The following CIMAP1D variants were observed in gnomAD, a reference collection of about 807,000 sequenced individuals.
CIMAP1D encodes CIMAP1 family member D, also known as protein CIMAP1D.
At chr19:470,394 G>C in the CIMAP1D span, among the ~76,000 whole-genome samples, 2 of 150,414 alleles carry the variant, frequency 1.3e-5, no homozygotes, top group Admixed American at 1.3e-4. Context: ...TTTATTTTTA[G>C]TAGAGACGGA....
chr19:474,704 G>A, the CIMAP1D span: 18 of 1,560,094 alleles, frequency 1.2e-5, no homozygotes, highest in South Asian at 1.7e-4. Context: ...GCCAAGGGGG[G>A]CTGTGGCCAG....
the CIMAP1D span, among the ~76,000 whole-genome samples, chr19:465,107 G>A: frequency 1.2e-4 from 12 of 101,794 alleles, 1 homozygote; most frequent in African/African-American, 4.1e-4. Flanking sequence ...GGGTGAGTGG[G>A]TGGATGGATG....
the CIMAP1D span, among the ~76,000 whole-genome samples, chr19:481,770 C>CTTTT: frequency 5.6e-5 from 6 of 106,774 alleles, no homozygotes; most frequent in East Asian, 5.1e-4. Context: ...GAACCTCCTA[C>CTTTT]TTTTTTTTTT....
At chr19:473,248 A>G in the CIMAP1D span, among the ~76,000 whole-genome samples, 1 of 22,752 alleles carries the variant, frequency 4.4e-5, no homozygotes. Context: ...AGATGGGGAG[A>G]CTGAGGCCTG....
the CIMAP1D span, among the ~76,000 whole-genome samples, chr19:486,077 C>T: frequency 6.6e-6 from 1 of 152,250 alleles, no homozygotes; most frequent in East Asian, 1.9e-4. Flanking sequence ...AGCCTGCTGT[C>T]CCCGTGGGAC....
chr19:488,563 C>G, the CIMAP1D span, among the ~76,000 whole-genome samples: 3 of 152,264 alleles, frequency 2.0e-5, no homozygotes, highest in South Asian at 6.2e-4. Context: ...AACGAGCGCC[C>G]TCGTCCCTCG....
chr19:480,560 G>GAA, the CIMAP1D span, among the ~76,000 whole-genome samples: 1 of 99,728 alleles, frequency 1.0e-5, no homozygotes, highest in Non-Finnish European at 2.2e-5. Context: ...GATGGAGAAC[G>GAA]ATGATGGAGA....
the CIMAP1D span, among the ~76,000 whole-genome samples, chr19:485,135 CGGA>C: frequency 0.064 from 9,707 of 151,972 alleles, 328 homozygotes; most frequent in Non-Finnish European, 0.074. Context: ...CTCAACCCAG[CGGA>C]GGACCCTGCT....
At chr19:485,523 G>A in the CIMAP1D span, among the ~76,000 whole-genome samples, 1 of 152,218 alleles carries the variant, frequency 6.6e-6, no homozygotes. Flanking sequence ...ATCCAGGCTG[G>A]CGCGATCACA....
chr19:478,040 C>A, the CIMAP1D span, among the ~76,000 whole-genome samples: 2 of 152,248 alleles, frequency 1.3e-5, no homozygotes, highest in Admixed American at 1.3e-4. Flanking sequence ...CGAGGGCCCC[C>A]AGCCCACAGG....
At chr19:490,603 C>A in the CIMAP1D span, among the ~76,000 whole-genome samples, 1 of 152,234 alleles carries the variant, frequency 6.6e-6, no homozygotes, top group African/African-American at 2.4e-5. Context: ...AGTGGCTTCA[C>A]AAACCCTAGC....
the CIMAP1D span, among the ~76,000 whole-genome samples, chr19:478,917 A>G: frequency 6.6e-6 from 1 of 152,236 alleles, no homozygotes; most frequent in East Asian, 1.9e-4. Flanking sequence ...GTGCTGGGAA[A>G]ACGGGAGAGG....
At chr19:463,452 G>C in the CIMAP1D span, 1 of 276,640 alleles carries the variant, frequency 3.6e-6, no homozygotes, top group Non-Finnish European at 6.8e-6. Context: ...CTGAGTTTGG[G>C]CTGGGACCGG....
chr19:465,640 G>A, the CIMAP1D span, among the ~76,000 whole-genome samples: 2 of 148,526 alleles, frequency 1.3e-5, no homozygotes, highest in Non-Finnish European at 3.0e-5. Flanking sequence ...TGGATGGATG[G>A]GTGGGTGGAG....
chr19:479,411 T>TGGGGG, the CIMAP1D span, among the ~76,000 whole-genome samples: 13 of 33,282 alleles, frequency 3.9e-4, no homozygotes, highest in East Asian at 9.7e-4. Context: ...TTTTTTTTTT[T>TGGGGG]GGGGGGGGGG....
At chr19:482,793 C>G in the CIMAP1D span, among the ~76,000 whole-genome samples, 1 of 152,172 alleles carries the variant, frequency 6.6e-6, no homozygotes, top group Non-Finnish European at 1.5e-5. Flanking sequence ...TCCTGCCCAC[C>G]TACACCTGCC....
the CIMAP1D span, among the ~76,000 whole-genome samples, chr19:482,828 C>T: frequency 1.3e-5 from 2 of 152,276 alleles, no homozygotes; most frequent in African/African-American, 2.4e-5. Flanking sequence ...CCACCCTGGC[C>T]GCCATCATAC....
chr19:481,385 TGGGAAGGATGATG>T, the CIMAP1D span, among the ~76,000 whole-genome samples: 240 of 93,144 alleles, frequency 2.6e-3, 3 homozygotes, highest in East Asian at 9.5e-3. Context: ...AGAAGGAATG[TGGGAAGGATGATG>T]GGGAAGGATG....
the CIMAP1D span, among the ~76,000 whole-genome samples, chr19:489,014 G>C: frequency 1.3e-5 from 2 of 152,062 alleles, no homozygotes; most frequent in African/African-American, 2.4e-5. Context: ...CCGCGGGCTA[G>C]AGCGGCCCCG....
Sources: allele counts gnomAD v4.1 joint callset (sites outside exome capture counted in the v4.1 genomes callset), GRCh38; gene constraint gnomAD v4.1.1; transcripts MANE v1.5; gene names NCBI Gene and HGNC (gene_info 2026-07-23, HGNC 2026-07-21).